Variants in SPECC1L observed in about 807,000 individuals in gnomAD.
SPECC1L encodes the protein cytospin-A.
A neutral mutation model predicts 116.8 loss-of-function variants in SPECC1L; 40 were observed. The observed-to-expected ratio is 0.34, with a 90% CI of 0.27 to 0.45. The LOEUF (loss-of-function observed/expected upper bound fraction) is 0.45, where lower values mean the gene tolerates loss of function less well. Among genes scored for constraint, SPECC1L ranks in the 20% least tolerant of loss-of-function variants. The pLI is 1.00. For missense variants in SPECC1L, 1,110 were observed against 1,373.6 expected (o/e 0.81, Z 3.03); for synonymous variants, 504 against 500.6 (o/e 1.01, Z -0.09).
chr22:24,276,633 A>T (rs2048843013), intron 1 of SPECC1L, 67 bp from the exon 2 acceptor site: 2 of 355,202 alleles, frequency 5.6e-6, no homozygotes, highest in Non-Finnish European at 1.1e-5. Context: ...GTTTATTTTA[A>T]TTAAACAAGA....
chr22:24,335,475 T>G (rs1021097984), intron 9 of SPECC1L, among the ~76,000 whole-genome samples: 1 of 152,192 alleles, frequency 6.6e-6, no homozygotes, highest in Non-Finnish European at 1.5e-5. Context: ...AGGCTTACTC[T>G]TCCCACTTTC....
rs763574808 is a variant in SPECC1L, at chr22:24,313,420, T to A, written c.261T>A (p.Ser87=). 2.5e-6 allele frequency: 4 copies of A among 1,614,084 alleles called. No individual in the cohort carries two copies. Among genetic ancestry groups the A allele is most frequent in the South Asian group, 2.2e-5 (2 of 91,082 alleles). ...STCPSAAPSA[S]APAMTTVENK... ...GCCCATCTGCAGCACCTTCAGCATCTGCCCCTGCCATGACCACCGTGGAGA... is the reference window on the plus strand; with the variant it reads ...GCCCATCTGCAGCACCTTCAGCATCAGCCCCTGCCATGACCACCGTGGAGA... Residue 87 remains serine (S), a synonymous_variant, in exon 4 of 17, where the codon TCT becomes TCA. Coordinates refer to ENST00000314328, the MANE Select transcript of SPECC1L (RefSeq NM_015330.6).
At chr22:24,399,121 T>A (rs1253915691) in intron 14 of SPECC1L, among the ~76,000 whole-genome samples, 1 of 152,182 alleles carries the variant, frequency 6.6e-6, no homozygotes, top group Non-Finnish European at 1.5e-5. Flanking sequence ...TCCTGAGTTA[T>A]CAGAAAGCAG....
chr22:24,300,412 C>G (rs2049354261), intron 2 of SPECC1L, among the ~76,000 whole-genome samples: 1 of 152,132 alleles, frequency 6.6e-6, no homozygotes. Flanking sequence ...CATGTCTTTG[C>G]TATTGTAAAC....
intron 3 of SPECC1L, among the ~76,000 whole-genome samples, chr22:24,308,902 G>A (rs2049556951): frequency 6.6e-6 from 1 of 152,038 alleles, no homozygotes; most frequent in South Asian, 2.1e-4. Flanking sequence ...TTAGTTTTAT[G>A]CCTAGATTAT....
chr22:24,367,898 G>A (rs2041802467), intron 13 of SPECC1L, among the ~76,000 whole-genome samples: 1 of 152,082 alleles, frequency 6.6e-6, no homozygotes, highest in Non-Finnish European at 1.5e-5. Flanking sequence ...CTGAAAAATA[G>A]GCCAGTCTTT....
In SPECC1L at chr22:24,317,107, T is replaced by C. The variant is rs539041303; in HGVS notation, c.307+3641T>C. 8.5e-3 allele frequency among the ~76,000 whole-genome samples: 746 copies of C among 87,590 alleles called. 51 individuals carry two copies. Among genetic ancestry groups the C allele is most frequent in the African/African-American group, 0.03 (703 of 23,666 alleles). The allele number at this position is 87,590 out of a possible 152,430, so 57.5% of individuals were successfully genotyped here. ...GGGGCTGACCCCCCCACCTCCCTCC[T>C]GGACGGGGCGGCTGGCTGGGCGGGG... On this transcript the variant is annotated intron_variant, in intron 4 of 16. Coordinates refer to ENST00000314328, the MANE Select transcript of SPECC1L (RefSeq NM_015330.6).
At chr22:24,328,584 A>G (rs575371007) in intron 6 of SPECC1L, among the ~76,000 whole-genome samples, 14 of 152,296 alleles carry the variant, frequency 9.2e-5, no homozygotes, top group African/African-American at 3.4e-4. Flanking sequence ...TAACGGTTTT[A>G]CTTTTTGTTT....
At chr22:24,403,563 T>C (rs1336039675) in intron 14 of SPECC1L, among the ~76,000 whole-genome samples, 1 of 152,230 alleles carries the variant, frequency 6.6e-6, no homozygotes, top group African/African-American at 2.4e-5. Context: ...CATCAGAAGC[T>C]GTCTCTGTAG....
chr22:24,320,386 G>A (rs184428450), intron 4 of SPECC1L, among the ~76,000 whole-genome samples: 1 of 152,280 alleles, frequency 6.6e-6, no homozygotes, highest in East Asian at 1.9e-4. Context: ...AAGTAATCAT[G>A]TGATTCACGT....
chr22:24,288,028 C>T (rs2049076150), intron 2 of SPECC1L, among the ~76,000 whole-genome samples: 2 of 152,116 alleles, frequency 1.3e-5, no homozygotes, highest in African/African-American at 4.8e-5. Context: ...TGTATCCTTT[C>T]CTGGGGAATA....
At chr22:24,375,811 G>A (rs1457990536) in intron 14 of SPECC1L, among the ~76,000 whole-genome samples, 2 of 152,070 alleles carry the variant, frequency 1.3e-5, no homozygotes, top group Non-Finnish European at 2.9e-5. Context: ...CTAGCCAGGT[G>A]TAGTGGCACA....
rs1425258392 is a variant in SPECC1L, at chr22:24,412,683, A to C, written c.3240A>C (p.Glu1080Asp). ...TCATGCTGGCTTTCCAGGCAGCTGA[A>C]AGTGTCGGCATCAAATCCACACTGG... is the stretch of plus-strand genomic sequence containing the variant. ...RNFMLAFQAA[E>D]SVGIKSTLDI... is the part of the protein sequence containing the mutation. Residue 1080 changes from glutamate to aspartate, a missense_variant, in exon 16 of 17, where the codon GAA becomes GAC. By Grantham distance (45) the Glu-to-Asp change is conservative. This residue lies in a region of SPECC1L where 76 missense variants were observed against 148.5 expected (regional missense o/e 0.51). Transcript: ENST00000314328. The C allele has an allele frequency of 6.2e-7, 1 of 1,614,164 alleles. No individual in the cohort carries two copies.
intron 10 of SPECC1L, among the ~76,000 whole-genome samples, chr22:24,342,878 G>C (rs902227763): frequency 2.0e-5 from 3 of 151,912 alleles, no homozygotes; most frequent in African/African-American, 7.3e-5. Flanking sequence ...GGCAGAGTGG[G>C]AAGTGTGTCT....
rs184722254 is a variant in SPECC1L at position 24,334,634 on chromosome 22, C to T, written c.2560+61C>T. Reference sequence around the variant, plus strand: ...CGGTTGTGTTCACTTACCTTATATTCTCTGGTCTGATTTGGTATTCTTTAC... The same window carrying T: ...CGGTTGTGTTCACTTACCTTATATTTTCTGGTCTGATTTGGTATTCTTTAC... On this transcript the variant is annotated intron_variant, in intron 9 of 16. Transcript: ENST00000314328. 367 of 1,566,416 alleles carry T rather than the reference C, an allele frequency of 2.3e-4. 2 individuals carry two copies. In the East Asian group the frequency reaches 5.8e-3, roughly 25 times the overall value.
At chr22:24,372,399 C>G (rs534713074) in intron 14 of SPECC1L, among the ~76,000 whole-genome samples, 1 of 152,170 alleles carries the variant, frequency 6.6e-6, no homozygotes, top group African/African-American at 2.4e-5. Flanking sequence ...TACTGGCAAA[C>G]GAAATCCAGC....
intron 14 of SPECC1L, among the ~76,000 whole-genome samples, chr22:24,405,258 T>G (rs2042562368): frequency 6.6e-6 from 1 of 151,710 alleles, no homozygotes; most frequent in Non-Finnish European, 1.5e-5. Flanking sequence ...CAAACCCCCT[T>G]AGAGAGAAGG....
At chr22:24,319,355 A>G (rs532149531) in intron 4 of SPECC1L, among the ~76,000 whole-genome samples, 1 of 152,334 alleles carries the variant, frequency 6.6e-6, no homozygotes, top group Non-Finnish European at 1.5e-5. Context: ...GCCCCTTACC[A>G]TCGGCTGTCA....
chr22:24,403,627 T>G (rs1419170084), intron 14 of SPECC1L, among the ~76,000 whole-genome samples: 1 of 152,156 alleles, frequency 6.6e-6, no homozygotes, highest in Non-Finnish European at 1.5e-5. Flanking sequence ...GCCCCTCCGC[T>G]CTTCAGCAAA....
Sources: gnomAD v4.1 joint callset for allele counts (sites outside exome capture counted in the v4.1 genomes callset) on GRCh38, gnomAD v4.1.1 for gene constraint, gnomAD v4.1.1 regional missense constraint, MANE v1.5 for transcripts, NCBI Gene and HGNC (gene_info 2026-07-23, HGNC 2026-07-21) for gene names.